CRHR2: variants seen among roughly 807,000 people sequenced by gnomAD.
CRHR2 encodes corticotropin-releasing hormone receptor 2.
In CRHR2, 53 loss-of-function variants were observed where a neutral mutation model predicts 57.9. The ratio of observed to expected loss-of-function variants is 0.92; its 90% confidence interval spans 0.73 to 1.15. The LOEUF (loss-of-function observed/expected upper bound fraction) is 1.15, where lower values mean the gene tolerates loss of function less well. Ranked by LOEUF, CRHR2 falls within the 50% of genes most tolerant of loss-of-function variation. CRHR2 has a pLI of 0.00. For missense variants in CRHR2, 532 were observed against 542.6 expected (o/e 0.98, Z 0.19); for synonymous variants, 213 against 220.9 (o/e 0.96, Z 0.32).
At chr7:30,692,513 G>C (rs1349149246) in intron 1 of CRHR2, among the ~76,000 whole-genome samples, 1 of 152,204 alleles carries the variant, frequency 6.6e-6, no homozygotes, top group African/African-American at 2.4e-5. Flanking sequence ...TAAAAGGATG[G>C]AAGGACTTGG....
chr7:30,690,636 C>T (rs934337223), intron 1 of CRHR2, among the ~76,000 whole-genome samples: 8 of 152,186 alleles, frequency 5.3e-5, no homozygotes, highest in African/African-American at 1.2e-4. Flanking sequence ...TCAAACATCA[C>T]GTTCTCCACA....
intron 11 of CRHR2, chr7:30,654,682 C>A: frequency 6.5e-7 from 1 of 1,535,928 alleles, no homozygotes; most frequent in South Asian, 1.2e-5. Context: ...CTTCTGCTCC[C>A]TGAGTCCATA....
chr7:30,666,018 G>T (rs1283873760), intron 3 of CRHR2, among the ~76,000 whole-genome samples: 1 of 152,106 alleles, frequency 6.6e-6, no homozygotes, highest in Non-Finnish European at 1.5e-5. Context: ...GTGCCACTGT[G>T]CCTGGCACCA....
At position 30,652,610 on chromosome 7, in the gene CRHR2, G is replaced by C. The variant is rs912784123; in HGVS notation, c.*850C>G. 2.0e-5 allele frequency: 3 copies of C among 152,386 alleles called. No homozygotes were observed. The highest frequency in any genetic ancestry group is 7.2e-5 in the African/African-American group (3 of 41,454). The allele number at this position is 152,386 out of a possible 1,614,324, so 9.4% of individuals were successfully genotyped here. On this transcript the variant is annotated 3_prime_UTR_variant, in exon 12 of 12. Transcript: ENST00000471646. The surrounding 1 kb of genome is among the most constrained non-coding windows in gnomAD (Gnocchi z 4.4). ...CAAGAGGCATGGTTTATTTCACAGA[G>C]AGCAGAGATGTTTCTGAAGGGGAGA... is the stretch of plus-strand genomic sequence containing the variant.
At chr7:30,667,941 G>A (rs1043275344) in intron 2 of CRHR2, among the ~76,000 whole-genome samples, 3 of 152,200 alleles carry the variant, frequency 2.0e-5, no homozygotes, top group African/African-American at 7.2e-5. Flanking sequence ...TGTGGCTTCG[G>A]GTCTTCTGTT....
Position 30,682,202 on chromosome 7 carries a change from A to G in CRHR2, c.79T>C (p.Trp27Arg). The G allele has an allele frequency of 1.3e-6, 2 of 1,587,744 alleles. No individual in the cohort carries two copies. The highest frequency in any genetic ancestry group is 1.1e-5 in the South Asian group (1 of 88,404). The change falls in exon 1 of 12, where the codon TGG becomes CGG. Residue 27 changes from tryptophan to arginine, a missense_variant. Transcript: ENST00000471646. ...ALAEELLLDGWGPPLDPEGPY... is the reference protein window; with the variant it reads ...ALAEELLLDGRGPPLDPEGPY... ...CCCTCGGGGTCCAGGGGTGGCCCCC[A>G]GCCGTCCAAGAGCAGCTCTTCAGCC...
chr7:30,678,832 C>A (rs1396839140), intron 2 of CRHR2, among the ~76,000 whole-genome samples: 2 of 152,172 alleles, frequency 1.3e-5, no homozygotes, highest in Non-Finnish European at 2.9e-5. Flanking sequence ...GCGTCTTCAA[C>A]CTCATTTGCT....
Position 30,653,921 on chromosome 7 carries a change from C to T in CRHR2, c.1096-321G>A, listed in dbSNP as rs550608983. 1.8e-4 allele frequency among the ~76,000 whole-genome samples: 27 copies of T among 152,262 alleles called. No individual in the cohort carries two copies. Among genetic ancestry groups the T allele is most frequent in the African/African-American group, 6.0e-4 (25 of 41,558 alleles). On this transcript the variant is annotated intron_variant, in intron 11 of 11. Coordinates refer to ENST00000471646, the MANE Select transcript of CRHR2 (RefSeq NM_001883.5). The surrounding 1 kb of genome is among the most constrained non-coding windows in gnomAD (Gnocchi z 5.0). Reference sequence around the variant, plus strand: ...AAATTAGCATCTTGGGACCAGAGAGCGCAGCTTGGAGACTTGGCCCCCTCA... The same window carrying T: ...AAATTAGCATCTTGGGACCAGAGAGTGCAGCTTGGAGACTTGGCCCCCTCA...
In CRHR2 at chr7:30,665,059, C is replaced by T. The variant is rs76778629; in HGVS notation, c.543+11G>A. The T allele has an allele frequency of 1.9e-5, 31 of 1,606,072 alleles. No individual in the cohort carries two copies. Among genetic ancestry groups the T allele is most frequent in the Admixed American group, 8.3e-5 (5 of 60,006 alleles). On this transcript the variant is annotated intron_variant, in intron 5 of 11. Coordinates refer to ENST00000471646, the MANE Select transcript of CRHR2 (RefSeq NM_001883.5). This position sits in a 1 kb window ranked among gnomAD's most constrained non-coding sequence, Gnocchi z 4.5. The stretch of plus-strand genomic sequence containing the variant: ...CCCCAGGTATAGCCCCGAGTCTCCC[C>T]GAGCAATGACCTCATTGCTCTCGTG...
intron 1 of CRHR2, among the ~76,000 whole-genome samples, chr7:30,695,291 A>G (rs993376530): frequency 1.3e-5 from 2 of 152,106 alleles, no homozygotes; most frequent in Admixed American, 1.3e-4. Context: ...ATGTTGAGTG[A>G]GAATCCCCTT....
intron 1 of CRHR2, among the ~76,000 whole-genome samples, chr7:30,694,868 G>A (rs1785027009): frequency 6.9e-6 from 1 of 145,940 alleles, no homozygotes. Flanking sequence ...AAGAAAGGAG[G>A]AAGGAGGAGC....
At chr7:30,677,145 C>T (rs1304421138) in intron 2 of CRHR2, among the ~76,000 whole-genome samples, 1 of 151,852 alleles carries the variant, frequency 6.6e-6, no homozygotes, top group African/African-American at 2.4e-5. Context: ...AGTGGGGAGA[C>T]AGTGGGTTTG....
intron 1 of CRHR2, among the ~76,000 whole-genome samples, chr7:30,691,334 G>C (rs889901297): frequency 2.2e-4 from 34 of 152,202 alleles, no homozygotes; most frequent in African/African-American, 7.7e-4. Context: ...TCCACGGTGC[G>C]CCCTTAGGCA....
chr7:30,676,264 T>A (rs1784513167), intron 2 of CRHR2, among the ~76,000 whole-genome samples: 1 of 152,198 alleles, frequency 6.6e-6, no homozygotes, highest in Admixed American at 6.5e-5. Flanking sequence ...CCTTCTTTTC[T>A]TAGCTAAACC....
chr7:30,677,080 C>T (rs1056469599), intron 2 of CRHR2, among the ~76,000 whole-genome samples: 2 of 152,010 alleles, frequency 1.3e-5, no homozygotes, highest in South Asian at 2.1e-4. Context: ...CCAAAAGGAC[C>T]GTAGGGACAG....
intron 1 of CRHR2, among the ~76,000 whole-genome samples, chr7:30,689,732 G>A (rs542090273): frequency 3.6e-4 from 55 of 152,356 alleles, no homozygotes; most frequent in African/African-American, 1.2e-3. Context: ...AGGCCAGGTA[G>A]GGATCCTCTA....
chr7:30,679,551 C>G (rs1215492729), intron 2 of CRHR2, among the ~76,000 whole-genome samples: 1 of 152,168 alleles, frequency 6.6e-6, no homozygotes, highest in African/African-American at 2.4e-5. Context: ...GTGGCAGATT[C>G]TCTGTGCTCA....
At chr7:30,655,130 G>C (rs748371548) in intron 10 of CRHR2, 50 bp from the exon 11 acceptor site, 72 of 1,589,502 alleles carry the variant, frequency 4.5e-5, no homozygotes, top group Non-Finnish European at 5.8e-5. Context: ...CTGCGGAGCT[G>C]TTCTGCCTGG....
chr7:30,693,130 A>G (rs1197522082), intron 1 of CRHR2, among the ~76,000 whole-genome samples: 1 of 152,214 alleles, frequency 6.6e-6, no homozygotes, highest in African/African-American at 2.4e-5. Context: ...ACCTTGCACA[A>G]GAGAGATGAG....
Sources: allele counts gnomAD v4.1 joint callset (sites outside exome capture counted in the v4.1 genomes callset), GRCh38; gene constraint gnomAD v4.1.1; non-coding constraint Gnocchi (gnomAD v3.1); transcripts MANE v1.5; gene names NCBI Gene and HGNC (gene_info 2026-07-23, HGNC 2026-07-21).